EFCAB11: variants seen among roughly 807,000 people sequenced by gnomAD.
EFCAB11 encodes the protein EF-hand calcium-binding domain-containing protein 11.
In EFCAB11, 14 loss-of-function variants were observed where a neutral mutation model predicts 23.0. The ratio of observed to expected loss-of-function variants is 0.61; its 90% CI spans 0.40 to 0.95. EFCAB11 has a LOEUF of 0.95. Among genes scored for constraint, EFCAB11 ranks in the 40% least tolerant of loss-of-function variants. EFCAB11 has a pLI of 0.00. For missense variants in EFCAB11, 198 were observed against 195.8 expected, an observed-to-expected ratio of 1.01 and a Z score of -0.07; for synonymous variants, 65 against 66.6, an observed-to-expected ratio of 0.98 and a Z score of 0.11.
chr14:89,886,366 A>G (rs989463833), intron 5 of EFCAB11, among the ~76,000 whole-genome samples: 2 of 151,668 alleles, frequency 1.3e-5, no homozygotes, highest in Non-Finnish European at 2.9e-5. Flanking sequence ...AAATACAAAG[A>G]AATGAGCCGG....
At chr14:89,885,768 AAAG>A in intron 5 of EFCAB11, among the ~76,000 whole-genome samples, 1 of 151,218 alleles carries the variant, frequency 6.6e-6, no homozygotes, top group South Asian at 2.1e-4. Flanking sequence ...GGAAAGAAAG[AAAG>A]AAAGAAAGAG....
chr14:89,925,801 A>G (rs1890175782), intron 5 of EFCAB11, among the ~76,000 whole-genome samples: 1 of 151,730 alleles, frequency 6.6e-6, no homozygotes, highest in Admixed American at 6.6e-5. Flanking sequence ...ACGTGCCACC[A>G]CACCCAGCTA....
intron 5 of EFCAB11, among the ~76,000 whole-genome samples, chr14:89,928,829 AATTATAT>A (rs1170982232): frequency 6.8e-6 from 1 of 147,526 alleles, no homozygotes; most frequent in Non-Finnish European, 1.5e-5. Flanking sequence ...ATAATTAAAT[AATTATAT>A]ATTACATATT....
chr14:89,866,468 T>C (rs1888095635), intron 5 of EFCAB11, among the ~76,000 whole-genome samples: 2 of 152,212 alleles, frequency 1.3e-5, no homozygotes, highest in African/African-American at 4.8e-5. Context: ...CCTCCTGGCC[T>C]CTCCAAGGGC....
chr14:89,827,007 T>C (rs78665125), intron 5 of EFCAB11, among the ~76,000 whole-genome samples: 2,701 of 152,286 alleles, frequency 0.018, 46 homozygotes, highest in Non-Finnish European at 0.026. Context: ...CCATTTATTA[T>C]ATCAGTTGGG....
intron 5 of EFCAB11, among the ~76,000 whole-genome samples, chr14:89,908,937 C>T (rs1889577484): frequency 1.3e-5 from 2 of 152,164 alleles, no homozygotes; most frequent in African/African-American, 4.8e-5. Context: ...GCACCAAAAT[C>T]CCAGGGGAGC....
intron 5 of EFCAB11, among the ~76,000 whole-genome samples, chr14:89,816,089 G>C (rs979445474): frequency 1.3e-5 from 2 of 151,964 alleles, no homozygotes; most frequent in Admixed American, 1.3e-4. Flanking sequence ...TCCTTATAGA[G>C]ATTTTTTATT....
chr14:89,836,454 C>T (rs1456448960), intron 5 of EFCAB11: 5 of 425,322 alleles, frequency 1.2e-5, no homozygotes, highest in African/African-American at 8.1e-5. Context: ...AGGGTCTGCC[C>T]AGAGTGGTTG....
intron 5 of EFCAB11, among the ~76,000 whole-genome samples, chr14:89,833,509 A>C (rs1008983513): frequency 6.6e-6 from 1 of 152,240 alleles, no homozygotes; most frequent in Non-Finnish European, 1.5e-5. Flanking sequence ...TCTATATGTG[A>C]CATTTCTTCA....
intron 5 of EFCAB11, among the ~76,000 whole-genome samples, chr14:89,805,738 C>T (rs1430171878): frequency 6.6e-6 from 1 of 152,108 alleles, no homozygotes; most frequent in Non-Finnish European, 1.5e-5. Context: ...AATAAATTCC[C>T]TGTGTTGTTT....
chr14:89,889,562 G>A (rs1380088133), intron 5 of EFCAB11, among the ~76,000 whole-genome samples: 1 of 152,214 alleles, frequency 6.6e-6, no homozygotes, highest in Non-Finnish European at 1.5e-5. Context: ...GCCCTTGACT[G>A]GCATCTGGGA....
chr14:89,869,812 T>C (rs1331626729), intron 5 of EFCAB11, among the ~76,000 whole-genome samples: 2 of 152,218 alleles, frequency 1.3e-5, no homozygotes, highest in Non-Finnish European at 2.9e-5. Context: ...AAGAATCTAG[T>C]GTCCTAACTC....
At chr14:89,875,673 T>C (rs750458060) in intron 5 of EFCAB11, among the ~76,000 whole-genome samples, 2 of 152,080 alleles carry the variant, frequency 1.3e-5, no homozygotes, top group South Asian at 4.1e-4. Context: ...ATAAACCATT[T>C]AGAATATGTG....
At chr14:89,842,617 G>GAT (rs1184595560) in intron 5 of EFCAB11, among the ~76,000 whole-genome samples, 2 of 150,912 alleles carry the variant, frequency 1.3e-5, no homozygotes, top group African/African-American at 2.5e-5. Flanking sequence ...GATATGATAT[G>GAT]ATATGATATG....
At chr14:89,943,402 T>C (rs1351765443) in intron 3 of EFCAB11, among the ~76,000 whole-genome samples, 1 of 151,750 alleles carries the variant, frequency 6.6e-6, no homozygotes, top group African/African-American at 2.4e-5. Flanking sequence ...CCATCAGGCC[T>C]GGCTCATTTT....
intron 5 of EFCAB11, among the ~76,000 whole-genome samples, chr14:89,904,951 C>T (rs1162140714): frequency 6.6e-6 from 1 of 152,124 alleles, no homozygotes; most frequent in African/African-American, 2.4e-5. Flanking sequence ...TAGACCACCC[C>T]TCAGGTTTTG....
intron 5 of EFCAB11, among the ~76,000 whole-genome samples, chr14:89,893,374 C>G (rs1415822742): frequency 6.6e-6 from 1 of 152,120 alleles, no homozygotes; most frequent in Non-Finnish European, 1.5e-5. Flanking sequence ...CTGGGATGAA[C>G]ACGAATGTGC....
At chr14:89,816,656 A>G (rs555346915) in intron 5 of EFCAB11, among the ~76,000 whole-genome samples, 2 of 152,312 alleles carry the variant, frequency 1.3e-5, no homozygotes, top group African/African-American at 4.8e-5. Context: ...GCAAACTCAA[A>G]ACAGAGATAC....
chr14:89,838,327 G>A (rs1347036616), intron 5 of EFCAB11, among the ~76,000 whole-genome samples: 1 of 151,900 alleles, frequency 6.6e-6, no homozygotes, highest in African/African-American at 2.4e-5. Flanking sequence ...CCAACTGAAA[G>A]TCTTAGAATG....
Sources: allele counts gnomAD v4.1 joint callset (sites outside exome capture counted in the v4.1 genomes callset), GRCh38; gene constraint gnomAD v4.1.1; transcripts MANE v1.5; gene names NCBI Gene and HGNC (gene_info 2026-07-23, HGNC 2026-07-21).